Variants in DEPDC5 observed in about 807,000 individuals in gnomAD.
DEPDC5 encodes the protein DEP domain containing 5, GATOR1 subcomplex subunit.
In DEPDC5, 73 loss-of-function variants were observed where a neutral mutation model predicts 217.3. That is an observed-to-expected ratio of 0.34 (90% CI 0.28 to 0.41). The LOEUF (loss-of-function observed/expected upper bound fraction) is 0.41. Ranked by LOEUF, DEPDC5 falls within the 10% of genes least tolerant of loss-of-function variation. The probability of loss-of-function intolerance (pLI) is 1.00; values close to 1 mark genes in which losing one functional copy is unlikely to be tolerated. For synonymous variants in DEPDC5, 733 were observed against 756.7 expected, an observed-to-expected ratio of 0.97 and a Z score of 0.51; for missense variants, 1,675 against 2,070.1, an observed-to-expected ratio of 0.81 and a Z score of 3.70.
Position 31,906,000 on chromosome 22 carries a change from G to C in DEPDC5, c.4453G>C (p.Asp1485His). The change falls in exon 42 of 43, where the codon GAT (aspartate) becomes CAT (histidine). Residue 1485 changes from aspartate (D) to histidine (H), a missense_variant. Coordinates refer to ENST00000651528, the MANE Select transcript of DEPDC5 (RefSeq NM_001242896.3). The stretch of plus-strand genomic sequence containing the variant: ...CTTCCCTAGGTTTGGGTTTGTACAA[G>C]ATAAATATTCTGCCTCTGCTTTTAA... ...AIAHRFGFVQ[D>H]KYSASAFNFP... 1 of 1,614,166 alleles carries C rather than the reference G, an allele frequency of 6.2e-7. No individual in the cohort carries two copies.
intron 32 of DEPDC5, 140 bp downstream of exon 32, chr22:31,857,693 C>CGTAA: frequency 1.7e-6 from 1 of 594,756 alleles, no homozygotes. Context: ...TTTAAAGGTT[C>CGTAA]TATTACTGTT....
chr22:31,784,737 A>G, intron 9 of DEPDC5, 77 bp from the exon 10 acceptor site: 1 of 1,409,664 alleles, frequency 7.1e-7, no homozygotes, highest in Non-Finnish European at 9.9e-7. Flanking sequence ...CTTAGAGAAG[A>G]AATTAGAGAA....
At chr22:31,784,903 C>T (rs2148416186) in intron 10 of DEPDC5, 28 bp downstream of exon 10, 1 of 1,590,264 alleles carries the variant, frequency 6.3e-7, no homozygotes, top group East Asian at 2.2e-5. Context: ...CACTAAGTCT[C>T]ATTATGTAAA....
chr22:31,756,448 T>G (rs1008463025), intron 2 of DEPDC5, among the ~76,000 whole-genome samples: 1 of 152,358 alleles, frequency 6.6e-6, no homozygotes, highest in Non-Finnish European at 1.5e-5. Context: ...CTATTGTTAT[T>G]ACTTTGATGC....
intron 36 of DEPDC5, chr22:31,875,578 T>C: frequency 6.6e-6 from 1 of 151,100 alleles, no homozygotes; most frequent in Non-Finnish European, 1.5e-5. Context: ...CTGAAATCAG[T>C]ATAGAGAAGT....
At chr22:31,857,184 C>T (rs575341621) in intron 31 of DEPDC5, among the ~76,000 whole-genome samples, 1 of 152,268 alleles carries the variant, frequency 6.6e-6, no homozygotes, top group South Asian at 2.1e-4. Flanking sequence ...TGTCAGTCCC[C>T]TTTTTAAGGT....
chr22:31,824,013 TTAG>T (rs2089941846), intron 24 of DEPDC5, among the ~76,000 whole-genome samples: 1 of 152,176 alleles, frequency 6.6e-6, no homozygotes, highest in South Asian at 2.1e-4. Flanking sequence ...ACGTTGTGCT[TTAG>T]TGTTCTATAA....
At chr22:31,806,578 C>T (rs1303191859) in intron 18 of DEPDC5, among the ~76,000 whole-genome samples, 3 of 152,300 alleles carry the variant, frequency 2.0e-5, no homozygotes, top group African/African-American at 7.2e-5. Flanking sequence ...TTTAAGAGTT[C>T]GTTTTATTGT....
intron 31 of DEPDC5, among the ~76,000 whole-genome samples, chr22:31,852,707 C>T (rs1389449894): frequency 1.3e-5 from 2 of 152,112 alleles, no homozygotes; most frequent in African/African-American, 2.4e-5. Flanking sequence ...GAATGTACCT[C>T]GGAAAGACAA....
intron 40 of DEPDC5, among the ~76,000 whole-genome samples, chr22:31,901,071 C>T (rs1285462472): frequency 6.6e-6 from 1 of 152,004 alleles, no homozygotes; most frequent in African/African-American, 2.4e-5. Flanking sequence ...GGTAAAACCC[C>T]GTCTCTACTT....
chr22:31,770,574 A>G (rs1168092441), intron 7 of DEPDC5, among the ~76,000 whole-genome samples: 1 of 102,700 alleles, frequency 9.7e-6, no homozygotes, highest in Non-Finnish European at 2.1e-5. Flanking sequence ...TTGTATTTTT[A>G]GTAGAGACGG....
At chr22:31,878,547 GAAA>G (rs113310189) in intron 37 of DEPDC5, among the ~76,000 whole-genome samples, 3 of 134,278 alleles carry the variant, frequency 2.2e-5, no homozygotes, top group Admixed American at 7.6e-5. Context: ...ATCTCTACAG[GAAA>G]AAAAAAAAAA....
At chr22:31,765,534 C>G (rs1254363504) in intron 5 of DEPDC5, among the ~76,000 whole-genome samples, 6 of 152,124 alleles carry the variant, frequency 3.9e-5, no homozygotes, top group African/African-American at 1.2e-4. Flanking sequence ...GGTGATCCAC[C>G]TGCCTTGGCC....
At chr22:31,786,873 C>T (rs1444909462) in intron 10 of DEPDC5, among the ~76,000 whole-genome samples, 2 of 151,802 alleles carry the variant, frequency 1.3e-5, no homozygotes, top group Non-Finnish European at 2.9e-5. Context: ...CTCAATTCTC[C>T]ACCTGTTCAG....
intron 20 of DEPDC5, 27 bp from the exon 21 acceptor site, chr22:31,814,965 G>T: frequency 6.2e-7 from 1 of 1,613,102 alleles, no homozygotes; most frequent in South Asian, 1.1e-5. Flanking sequence ...CTCGCTTGAT[G>T]GTAACTTTTT....
chr22:31,783,653 G>A (rs1160540570), intron 8 of DEPDC5, among the ~76,000 whole-genome samples: 2 of 152,060 alleles, frequency 1.3e-5, no homozygotes, highest in East Asian at 1.9e-4. Flanking sequence ...TGGGTGGCAA[G>A]AGTGAGATCC....
In DEPDC5 at chr22:31,754,850, T is replaced by C. The variant is rs1286886584; in HGVS notation, c.-60-12T>C. 9 of 1,568,826 alleles carry C rather than the reference T, an allele frequency of 5.7e-6. No homozygotes were observed. Among genetic ancestry groups the C allele is most frequent in the Non-Finnish European group, 7.9e-6 (9 of 1,141,076 alleles). ...TGACATTCCAACCTTTTCGTTTGTA[T>C]TTCTGTGGCAGGGAGGCAAGATGAC... On this transcript the variant is annotated splice_polypyrimidine_tract_variant and intron_variant, in intron 1 of 42. Transcript: ENST00000651528.
chr22:31,772,423 G>GT (rs2083444250), intron 7 of DEPDC5, among the ~76,000 whole-genome samples: 1 of 152,168 alleles, frequency 6.6e-6, no homozygotes, highest in South Asian at 2.1e-4. Flanking sequence ...CAGAGCCAGT[G>GT]TTTAGCCATC....
At chr22:31,798,751 T>C in intron 14 of DEPDC5, 95 bp downstream of exon 14, 1 of 1,246,410 alleles carries the variant, frequency 8.0e-7, no homozygotes, top group Non-Finnish European at 1.1e-6. Flanking sequence ...GAGAAGGTTC[T>C]TGGATCTTGC....
Sources: gnomAD v4.1 joint callset for allele counts (sites outside exome capture counted in the v4.1 genomes callset) on GRCh38, gnomAD v4.1.1 for gene constraint, MANE v1.5 for transcripts, NCBI Gene and HGNC (gene_info 2026-07-23, HGNC 2026-07-21) for gene names.